Variants in TNRC18 observed in about 807,000 individuals in gnomAD.
The protein encoded by TNRC18 is trinucleotide repeat containing 18.
Under a neutral mutation model 226.7 loss-of-function variants are expected in TNRC18, and 69 were observed. That is an observed-to-expected ratio of 0.30 (90% CI 0.25 to 0.37). The LOEUF (loss-of-function observed/expected upper bound fraction) is 0.37, where lower values mean the gene tolerates loss of function less well. Ranked by LOEUF, TNRC18 falls within the 10% of genes least tolerant of loss-of-function variation. The pLI is 1.00. For missense variants in TNRC18, 4,754 were observed against 4,256.6 expected (o/e 1.12, Z -3.25); for synonymous variants, 2,449 against 1,927.6 (o/e 1.27, Z -7.09).
intron 18 of TNRC18, among the ~76,000 whole-genome samples, chr7:5,334,732 A>C (rs1789913564): frequency 6.6e-6 from 1 of 152,046 alleles, no homozygotes. Flanking sequence ...CAGTCCCCCC[A>C]GAGATCCACT....
rs1433966430 is a variant in TNRC18, at chr7:5,387,667, C to A, written c.2152+5G>T. 2 of 1,603,080 alleles carry A rather than the reference C, an allele frequency of 1.2e-6. No homozygotes were observed. Among genetic ancestry groups the A allele is most frequent in the Non-Finnish European group, 1.7e-6 (2 of 1,179,840 alleles). ...ACCCGCACCTGGGCTCTGCCCAGGA[C>A]CTACCTTTGACGTTACTCAGCGACA... On this transcript the variant is annotated splice_donor_5th_base_variant and intron_variant, in intron 5 of 29. Coordinates refer to ENST00000430969, the MANE Select transcript of TNRC18 (RefSeq NM_001080495.3).
At chr7:5,409,798 A>T (rs1310356865) in intron 2 of TNRC18, among the ~76,000 whole-genome samples, 1 of 145,020 alleles carries the variant, frequency 6.9e-6, no homozygotes, top group Non-Finnish European at 1.5e-5. Flanking sequence ...AACATGGTGA[A>T]ACCCCGTCTC....
Position 5,315,159 on chromosome 7 carries a change from G to A in TNRC18, c.6863-11C>T, listed in dbSNP as rs1787722400. 1 of 1,610,354 alleles carries A rather than the reference G, an allele frequency of 6.2e-7. No individual in the cohort carries two copies. Among genetic ancestry groups the A allele is most frequent in the Non-Finnish European group, 8.5e-7 (1 of 1,178,938 alleles). ...GGGACGGCTCAGCACCTGTGGGGCA[G>A]AGGACAGAGTGGCTCATCAGGCCTG... On this transcript the variant is annotated splice_polypyrimidine_tract_variant and intron_variant, in intron 25 of 29. Coordinates refer to ENST00000430969, the MANE Select transcript of TNRC18 (RefSeq NM_001080495.3).
chr7:5,369,217 A>G (rs1469213567), intron 11 of TNRC18, among the ~76,000 whole-genome samples: 1 of 152,080 alleles, frequency 6.6e-6, no homozygotes, highest in Non-Finnish European at 1.5e-5. Context: ...GCATGGTGGC[A>G]CATGCCTGTA....
At chr7:5,355,629 T>C (rs1792281963) in intron 16 of TNRC18, among the ~76,000 whole-genome samples, 2 of 152,258 alleles carry the variant, frequency 1.3e-5, no homozygotes, top group Middle Eastern at 6.8e-3. Context: ...TACACAGCTG[T>C]AGTCCCAGAT....
chr7:5,388,223 C>T lies in TNRC18; in HGVS notation c.1601G>A (p.Arg534His). 2 of 1,600,086 alleles carry T rather than the reference C, an allele frequency of 1.2e-6. No individual in the cohort carries two copies. Among genetic ancestry groups the T allele is most frequent in the Non-Finnish European group, 1.7e-6 (2 of 1,174,422 alleles). ...GACCACGGCGGCCTCCTCTTCGGCG[C>T]GGCTGTGGTGGTGCTGCGCGGCCAG... ...AVLAAQHHHS[R>H]AEEEAAVVAA... Residue 534 changes from arginine (R) to histidine (H), a missense_variant, in exon 5 of 30, where the codon CGC (arginine) becomes CAC (histidine). By Grantham distance (29) the Arg-to-His change is conservative. Coordinates refer to ENST00000430969, the MANE Select transcript of TNRC18 (RefSeq NM_001080495.3).
rs554538704 is a variant in TNRC18 at position 5,360,704 on chromosome 7, G to A, written c.4661+890C>T. ...GCCGCAGCCTCCTGCCCTCTTCTCC[G>A]GGAAGCTCTCCCTGCCCCTGCTGCG... On this transcript the variant is annotated intron_variant, in intron 14 of 29. Coordinates refer to ENST00000430969, the MANE Select transcript of TNRC18 (RefSeq NM_001080495.3). 3.9e-5 allele frequency among the ~76,000 whole-genome samples: 6 copies of A among 152,016 alleles called. No individual in the cohort carries two copies. In the South Asian group the frequency reaches 1.0e-3, roughly 26 times the overall value.
chr7:5,401,696 C>A (rs1242874496), intron 2 of TNRC18, among the ~76,000 whole-genome samples: 1 of 152,202 alleles, frequency 6.6e-6, no homozygotes, highest in Non-Finnish European at 1.5e-5. Context: ...AGACGTGGGC[C>A]ACATTTGGCT....
At chr7:5,333,533 C>A (rs1789779805) in intron 18 of TNRC18, among the ~76,000 whole-genome samples, 1 of 152,308 alleles carries the variant, frequency 6.6e-6, no homozygotes, top group East Asian at 1.9e-4. Context: ...CCTCTCTACA[C>A]GACATGGCCA....
At chr7:5,387,292 G>A (rs1435421376) in intron 5 of TNRC18, among the ~76,000 whole-genome samples, 1 of 152,144 alleles carries the variant, frequency 6.6e-6, no homozygotes, top group Non-Finnish European at 1.5e-5. Flanking sequence ...AGGCTGGCTA[G>A]GTACCGGGGA....
At chr7:5,347,470 A>C (rs1479483331) in intron 17 of TNRC18, among the ~76,000 whole-genome samples, 1 of 149,432 alleles carries the variant, frequency 6.7e-6, no homozygotes, top group Admixed American at 6.7e-5. Flanking sequence ...TGCTGGGATT[A>C]CAGGCATGAG....
intron 18 of TNRC18, among the ~76,000 whole-genome samples, chr7:5,338,511 C>T (rs956293450): frequency 6.6e-6 from 1 of 151,134 alleles, no homozygotes; most frequent in Non-Finnish European, 1.5e-5. Context: ...TTTGGGAGGC[C>T]AAAGTGGGCA....
intron 24 of TNRC18, among the ~76,000 whole-genome samples, chr7:5,316,428 C>T (rs1048604707): frequency 1.3e-5 from 2 of 151,856 alleles, no homozygotes; most frequent in Non-Finnish European, 2.9e-5. Flanking sequence ...TACAGACATG[C>T]GCCACCATGC....
chr7:5,345,899 G>C (rs1194130224), intron 17 of TNRC18, 89 bp from the exon 18 acceptor site: 10 of 1,466,192 alleles, frequency 6.8e-6, no homozygotes, highest in Non-Finnish European at 9.0e-6. Flanking sequence ...TGGCCTCTGG[G>C]CTCCAGCCTA....
chr7:5,329,919 A>C (rs763020982), intron 19 of TNRC18: 1 of 471,074 alleles, frequency 2.1e-6, no homozygotes, highest in Non-Finnish European at 4.4e-6. Context: ...ATATCCAGCT[A>C]TAATACCAGA....
intron 11 of TNRC18, among the ~76,000 whole-genome samples, chr7:5,369,507 C>T (rs924513781): frequency 6.6e-6 from 1 of 152,068 alleles, no homozygotes; most frequent in Non-Finnish European, 1.5e-5. Context: ...CCACCCCCCA[C>T]CCCAGTGAGG....
At chr7:5,347,178 CA>C (rs201113775) in intron 17 of TNRC18, among the ~76,000 whole-genome samples, 3,083 of 141,606 alleles carry the variant, frequency 0.022, 66 homozygotes, top group Admixed American at 0.07. Context: ...CTTGTCTCTA[CA>C]AAAAAAAAAA....
chr7:5,341,418 C>CA lies in TNRC18; in HGVS notation c.5719+4143dup, dbSNP rs35407523. On this transcript the variant is annotated intron_variant, in intron 18 of 29. Coordinates refer to ENST00000430969, the MANE Select transcript of TNRC18 (RefSeq NM_001080495.3). ...TGGGCGACAAAGCAAGACTCCATCT[C>CA]AAAAAAAAAAAAAAAAAAAAGATGC... 8.9e-3 allele frequency among the ~76,000 whole-genome samples: 760 copies of CA among 85,054 alleles called. 7 individuals carry two copies. The highest frequency in any genetic ancestry group is 0.011 in the Non-Finnish European group (523 of 45,482). 55.8% of individuals were successfully genotyped at this position (85,054 alleles called of 152,430 possible).
In TNRC18 at chr7:5,321,197, G is replaced by A; in HGVS notation, c.6443-7C>T. Reference sequence around the variant, plus strand: ...ATGATGCAGGAGCGAGGGGCTGCAGGGGTTGGATCGTGAGGCGAGGCTGGA... The same window carrying A: ...ATGATGCAGGAGCGAGGGGCTGCAGAGGTTGGATCGTGAGGCGAGGCTGGA... On this transcript the variant is annotated splice_polypyrimidine_tract_variant and splice_region_variant and intron_variant, in intron 21 of 29. Coordinates refer to ENST00000430969, the MANE Select transcript of TNRC18 (RefSeq NM_001080495.3). 1 of 1,533,734 alleles carries A rather than the reference G, an allele frequency of 6.5e-7. No individual in the cohort carries two copies. The highest frequency in any genetic ancestry group is 1.4e-5 in the African/African-American group (1 of 72,884).
Sources: allele counts gnomAD v4.1 joint callset (sites outside exome capture counted in the v4.1 genomes callset), GRCh38; gene constraint gnomAD v4.1.1; transcripts MANE v1.5; gene names NCBI Gene and HGNC (gene_info 2026-07-23, HGNC 2026-07-21).